DCDC1: variants seen among roughly 807,000 people sequenced by gnomAD.
DCDC1 encodes doublecortin domain containing 1.
DCDC1 carries 200 observed loss-of-function variants against 178.3 expected under a neutral mutation model. The observed-to-expected ratio is 1.12, with a 90% CI of 1.00 to 1.26. The LOEUF (loss-of-function observed/expected upper bound fraction) is 1.26, where lower values mean the gene tolerates loss of function less well. DCDC1 is among the 50% of genes most tolerant of loss of function. The pLI is 0.00. For synonymous variants in DCDC1, 690 were observed against 604.8 expected, an observed-to-expected ratio of 1.14 and a Z score of -2.07; for missense variants, 1,983 against 1,749.2, an observed-to-expected ratio of 1.13 and a Z score of -2.38.
chr11:31,193,669 T>C (rs529071641), intron 9 of DCDC1, among the ~76,000 whole-genome samples: 27 of 152,100 alleles, frequency 1.8e-4, no homozygotes, highest in African/African-American at 5.3e-4. Context: ...AGACAAATGC[T>C]CCATTGCCCT....
intron 16 of DCDC1, 35 bp downstream of exon 16, chr11:31,094,015 G>A (rs779428575): frequency 1.4e-5 from 11 of 759,384 alleles, no homozygotes; most frequent in Non-Finnish European, 2.7e-5. Context: ...CAAGCAAGGG[G>A]AGGTCACTCA....
intron 17 of DCDC1, among the ~76,000 whole-genome samples, chr11:31,082,948 CAT>C (rs979272358): frequency 3.3e-5 from 5 of 152,318 alleles, no homozygotes; most frequent in East Asian, 1.9e-4. Flanking sequence ...CAGTAATCCA[CAT>C]AGTGTGAAAT....
intron 8 of DCDC1, among the ~76,000 whole-genome samples, chr11:31,249,341 C>T (rs7950016): frequency 0.021 from 3,139 of 152,172 alleles, 97 homozygotes; most frequent in African/African-American, 0.071. Flanking sequence ...GACAGTGATC[C>T]AATTATATAA....
intron 20 of DCDC1, among the ~76,000 whole-genome samples, chr11:30,960,926 G>A (rs965366179): frequency 2.0e-5 from 3 of 152,060 alleles, no homozygotes; most frequent in Non-Finnish European, 4.4e-5. Flanking sequence ...ATGGATAGGA[G>A]TATGAACAAA....
At chr11:31,106,981 C>A in intron 12 of DCDC1, 21 bp from the exon 13 acceptor site, 2 of 759,758 alleles carry the variant, frequency 2.6e-6, no homozygotes, top group South Asian at 1.4e-5. Context: ...GTTAGAGGGG[C>A]AGAGGGGATA....
intron 35 of DCDC1, among the ~76,000 whole-genome samples, chr11:30,893,272 A>G (rs1943937376): frequency 6.6e-6 from 1 of 152,218 alleles, no homozygotes; most frequent in South Asian, 2.1e-4. Flanking sequence ...TATAATGTGA[A>G]GAAATGCAGA....
intron 11 of DCDC1, among the ~76,000 whole-genome samples, chr11:31,119,567 T>A (rs1217319118): frequency 1.3e-5 from 2 of 152,192 alleles, no homozygotes; most frequent in African/African-American, 4.8e-5. Flanking sequence ...AAAAAAAATC[T>A]TGTCACACTT....
intron 20 of DCDC1, among the ~76,000 whole-genome samples, chr11:30,954,005 CTTTTTT>C (rs5790847): frequency 1.3e-5 from 1 of 76,504 alleles, no homozygotes; most frequent in Non-Finnish European, 2.4e-5. Flanking sequence ...TACAACAATT[CTTTTTT>C]TTTTTTTTTT....
At chr11:31,103,070 T>C (rs1367103812) in intron 14 of DCDC1, among the ~76,000 whole-genome samples, 1 of 152,170 alleles carries the variant, frequency 6.6e-6, no homozygotes, top group Non-Finnish European at 1.5e-5. Flanking sequence ...CCCAGTTAAT[T>C]TGTAACTGTG....
intron 6 of DCDC1, among the ~76,000 whole-genome samples, chr11:31,292,021 C>T (rs970523523): frequency 1.3e-5 from 2 of 151,816 alleles, no homozygotes; most frequent in African/African-American, 2.4e-5. Flanking sequence ...CTATTCTTAC[C>T]CCCCTTTCAC....
At chr11:31,137,065 G>A (rs1963218840) in intron 10 of DCDC1, among the ~76,000 whole-genome samples, 1 of 152,056 alleles carries the variant, frequency 6.6e-6, no homozygotes, top group East Asian at 1.9e-4. Flanking sequence ...AAAAATTTTT[G>A]TTTTTCCTAT....
At chr11:30,884,860 A>T (rs1009002651) in intron 36 of DCDC1, among the ~76,000 whole-genome samples, 1 of 152,058 alleles carries the variant, frequency 6.6e-6, no homozygotes, top group Non-Finnish European at 1.5e-5. Context: ...TAAAAGGTGT[A>T]AATTCTTAGG....
At chr11:30,934,520 C>A (rs1389129128) in intron 21 of DCDC1, among the ~76,000 whole-genome samples, 1 of 152,094 alleles carries the variant, frequency 6.6e-6, no homozygotes, top group Non-Finnish European at 1.5e-5. Context: ...CTCCCACAGG[C>A]TTACTGAATA....
chr11:30,991,219 G>A (rs1950960917), intron 20 of DCDC1, among the ~76,000 whole-genome samples: 1 of 152,232 alleles, frequency 6.6e-6, no homozygotes, highest in East Asian at 1.9e-4. Flanking sequence ...CCTGCCTTAA[G>A]GAGGAGAGAG....
chr11:31,209,184 C>A (rs1471060743), intron 9 of DCDC1, among the ~76,000 whole-genome samples: 1 of 152,146 alleles, frequency 6.6e-6, no homozygotes, highest in East Asian at 1.9e-4. Flanking sequence ...TTTGCAGTCA[C>A]TGACACAGAG....
chr11:31,222,660 T>C (rs1444973620), intron 9 of DCDC1, among the ~76,000 whole-genome samples: 3 of 152,140 alleles, frequency 2.0e-5, no homozygotes, highest in Non-Finnish European at 4.4e-5. Flanking sequence ...AGGGTGTTAG[T>C]ATGGTCAGGT....
intron 8 of DCDC1, among the ~76,000 whole-genome samples, chr11:31,261,288 T>C (rs571964615): frequency 1.3e-5 from 2 of 152,266 alleles, no homozygotes; most frequent in African/African-American, 4.8e-5. Flanking sequence ...ATCATTATTG[T>C]TTTAGGTAGT....
At chr11:31,271,486 G>A (rs1389645994) in intron 7 of DCDC1, among the ~76,000 whole-genome samples, 2 of 152,138 alleles carry the variant, frequency 1.3e-5, no homozygotes, top group Non-Finnish European at 2.9e-5. Context: ...ACAGCTAAAT[G>A]TCTTAGATTT....
chr11:31,361,869 A>G (rs1202124116), intron 1 of DCDC1, among the ~76,000 whole-genome samples: 1 of 152,222 alleles, frequency 6.6e-6, no homozygotes, highest in Non-Finnish European at 1.5e-5. Flanking sequence ...CGCAGGAACT[A>G]AGTAACAACA....
Sources: gnomAD v4.1 joint callset for allele counts (sites outside exome capture counted in the v4.1 genomes callset) on GRCh38, gnomAD v4.1.1 for gene constraint, MANE v1.5 for transcripts, NCBI Gene and HGNC (gene_info 2026-07-23, HGNC 2026-07-21) for gene names.